The following NHS variants were observed in gnomAD, a reference collection of about 807,000 sequenced individuals.
NHS encodes the protein NHS actin remodeling regulator, also known as actin remodeling regulator NHS.
In NHS, 5 loss-of-function variants were observed where a neutral mutation model predicts 72.5. The observed-to-expected ratio is 0.07, with a 90% CI of 0.04 to 0.14. The LOEUF (loss-of-function observed/expected upper bound fraction) is 0.14, where lower values mean the gene tolerates loss of function less well. Ranked by LOEUF, NHS falls within the 10% of genes least tolerant of loss-of-function variation. NHS has a pLI of 1.00. For synonymous variants in NHS, 464 were observed against 547.7 expected, an observed-to-expected ratio of 0.85 and a Z score of 2.13; for missense variants, 1,072 against 1,355.7, an observed-to-expected ratio of 0.79 and a Z score of 3.29.
At chrX:17,696,414 G>A (rs2066230558) in intron 3 of NHS, among the ~76,000 whole-genome samples, 1 of 111,550 alleles carries the variant, frequency 9.0e-6, no homozygotes, top group Non-Finnish European at 1.9e-5. Context: ...CAGAATTTCT[G>A]GGTAATTTTT....
At chrX:17,623,629 A>T (rs986264924) in intron 1 of NHS, among the ~76,000 whole-genome samples, 3 of 111,700 alleles carry the variant, frequency 2.7e-5, no homozygotes, top group Non-Finnish European at 5.6e-5. Flanking sequence ...TATAGGTATG[A>T]GTCTCAACTG....
At chrX:17,651,550 A>G (rs890895513) in intron 1 of NHS, among the ~76,000 whole-genome samples, 12 of 111,886 alleles carry the variant, frequency 1.1e-4, no homozygotes, top group African/African-American at 3.6e-4. Flanking sequence ...GGCTCTTCCC[A>G]TCTTAGGAAT....
chrX:17,485,064 T>A (rs943156041), intron 1 of NHS, among the ~76,000 whole-genome samples: 12 of 111,550 alleles, frequency 1.1e-4, no homozygotes, highest in Non-Finnish European at 1.9e-4. Context: ...GCAGCTCCGT[T>A]GTCCTCATAA....
intron 1 of NHS, among the ~76,000 whole-genome samples, chrX:17,566,312 CT>C (rs1184281511): frequency 9.0e-6 from 1 of 111,542 alleles, no homozygotes; most frequent in African/African-American, 3.3e-5. Flanking sequence ...CTGAACATCT[CT>C]TTTGATCTTC....
chrX:17,464,328 A>T (rs749754335), intron 1 of NHS, among the ~76,000 whole-genome samples: 7 of 111,866 alleles, frequency 6.3e-5, no homozygotes, highest in Non-Finnish European at 1.3e-4. Flanking sequence ...GATCAAGGAG[A>T]TGGCCCAGTG....
chrX:17,524,076 C>A (rs1451690667), intron 1 of NHS, among the ~76,000 whole-genome samples: 1 of 112,086 alleles, frequency 8.9e-6, no homozygotes, highest in South Asian at 3.7e-4. Context: ...TAGCAAGCTC[C>A]GCATTTGGTG....
intron 1 of NHS, among the ~76,000 whole-genome samples, chrX:17,685,879 A>C (rs1241695975): frequency 8.9e-6 from 1 of 112,031 alleles, no homozygotes; most frequent in Non-Finnish European, 1.9e-5. Flanking sequence ...AGGCAGAATC[A>C]CAGTTAAACC....
chrX:17,562,823 A>G lies in NHS; in HGVS notation c.566-124919A>G, dbSNP rs2065422505. Among the ~76,000 whole-genome samples, 3 of 111,828 alleles carry G rather than the reference A, an allele frequency of 2.7e-5. No individual in the cohort carries two copies. The Admixed American group carries it at 2.8e-4, about 11-fold the overall frequency. ...CAAATGTTACCTAAATTTTAAAAGA[A>G]GCAGGTATGAGATTCCAGATTGTAA... On this transcript the variant is annotated intron_variant, in intron 1 of 8. Transcript: ENST00000676302.
At position 17,727,491 on chromosome X, in the gene NHS, C is replaced by G. The variant is rs1216332385; in HGVS notation, c.3385C>G (p.Pro1129Ala). ...AGAAACACTGAGGTCGAATCCTCCA[C>G]CGTCCCTTGCAATTACACCAACGAT... is the stretch of plus-strand genomic sequence containing the variant. ...VGETLRSNPP[P>A]SLAITPTILK... Residue 1129 changes from proline to alanine, a missense_variant, in exon 7 of 9, where the codon CCG becomes GCG. Pro to Ala is a conservative substitution (Grantham distance 27). Transcript: ENST00000676302. The G allele has an allele frequency of 4.1e-6, 5 of 1,209,508 alleles. No homozygotes were observed. In the East Asian group the frequency reaches 1.2e-4, roughly 29 times the overall value.
intron 1 of NHS, among the ~76,000 whole-genome samples, chrX:17,479,588 C>T (rs984766493): frequency 8.9e-5 from 10 of 112,291 alleles, no homozygotes; most frequent in Non-Finnish European, 1.9e-4. Context: ...GATTGCCATT[C>T]TAACTGGCAT....
chrX:17,430,203 C>G (rs2064682355), intron 1 of NHS, among the ~76,000 whole-genome samples: 1 of 74,252 alleles, frequency 1.3e-5, no homozygotes, highest in Non-Finnish European at 2.5e-5. Flanking sequence ...TCCCCTCCCT[C>G]CCTTCCTTCC....
intron 1 of NHS, among the ~76,000 whole-genome samples, chrX:17,549,779 C>T (rs1280433496): frequency 2.8e-4 from 31 of 110,781 alleles, no homozygotes; most frequent in Admixed American, 2.8e-3. Context: ...GATGAGGGAC[C>T]GGAGGGAGCA....
chrX:17,613,229 C>T (rs983766594), intron 1 of NHS, among the ~76,000 whole-genome samples: 3 of 110,115 alleles, frequency 2.7e-5, no homozygotes, highest in African/African-American at 9.9e-5. Flanking sequence ...AAAAATTGGC[C>T]GGATATGGTG....
At chrX:17,608,098 A>AGAGATG (rs1309595911) in intron 1 of NHS, among the ~76,000 whole-genome samples, 2 of 108,730 alleles carry the variant, frequency 1.8e-5, no homozygotes, top group Non-Finnish European at 3.8e-5. Context: ...TGTTTTTAGT[A>AGAGATG]GAGATGGAGT....
intron 1 of NHS, among the ~76,000 whole-genome samples, chrX:17,554,407 AG>A (rs199551611): frequency 0.034 from 3,850 of 111,911 alleles, 137 homozygotes; most frequent in African/African-American, 0.088. Context: ...CCAGAGCTGG[AG>A]GGGGGACACG....
At chrX:17,600,922 T>G (rs781778152) in intron 1 of NHS, among the ~76,000 whole-genome samples, 1 of 111,785 alleles carries the variant, frequency 8.9e-6, no homozygotes, top group African/African-American at 3.3e-5. Context: ...AAGGTGCCAG[T>G]CATATAATAA....
At chrX:17,670,716 G>A (rs1353433606) in intron 1 of NHS, among the ~76,000 whole-genome samples, 2 of 112,131 alleles carry the variant, frequency 1.8e-5, no homozygotes, top group African/African-American at 3.2e-5. Flanking sequence ...ATGTGGTTTG[G>A]GCCATTGCTT....
chrX:17,637,572 T>A (rs1419233159), intron 1 of NHS, among the ~76,000 whole-genome samples: 1 of 111,898 alleles, frequency 8.9e-6, no homozygotes, highest in Non-Finnish European at 1.9e-5. Context: ...TGCCTTCAAG[T>A]AGGACTTGGC....
At position 17,725,575 on chromosome X, in the gene NHS, G is replaced by T. The variant is rs775816596; in HGVS notation, c.1469G>T (p.Gly490Val). ...AACATTTCTGCCCTAGCAGACAAAG[G>T]TGACACCATGTTTACTCCTGCAGTG... is the stretch of plus-strand genomic sequence containing the variant. ...AGNISALADKGDTMFTPAVSS... is the reference protein window; with the variant it reads ...AGNISALADKVDTMFTPAVSS... Residue 490 changes from glycine (G) to valine (V), a missense_variant, in exon 7 of 9, where the codon GGT (glycine) becomes GTT (valine). Transcript: ENST00000676302. 1.2e-5 allele frequency: 15 copies of T among 1,209,736 alleles called. No homozygotes were observed. The Admixed American group carries it at 3.1e-4, about 25-fold the overall frequency.
Sources: gnomAD v4.1 joint callset for allele counts (sites outside exome capture counted in the v4.1 genomes callset) on GRCh38, gnomAD v4.1.1 for gene constraint, MANE v1.5 for transcripts, NCBI Gene and HGNC (gene_info 2026-07-23, HGNC 2026-07-21) for gene names.